The following PRKCB variants were observed in gnomAD, a reference collection of about 807,000 sequenced individuals.
The protein encoded by PRKCB is protein kinase C beta.
Under a neutral mutation model 81.5 loss-of-function variants are expected in PRKCB, and 13 were observed. The ratio of observed to expected loss-of-function variants is 0.16; its 90% CI spans 0.10 to 0.25. The LOEUF is 0.25. PRKCB is among the 10% of genes least tolerant of loss of function. The probability of loss-of-function intolerance (pLI) is 1.00; values close to 1 mark genes in which losing one functional copy is unlikely to be tolerated. For missense variants in PRKCB, 509 were observed against 875.7 expected, an observed-to-expected ratio of 0.58 and a Z score of 5.29; for synonymous variants, 335 against 321.4, an observed-to-expected ratio of 1.04 and a Z score of -0.45.
At chr16:24,003,836 A>G (rs1266299162) in intron 3 of PRKCB, among the ~76,000 whole-genome samples, 1 of 152,196 alleles carries the variant, frequency 6.6e-6, no homozygotes, top group South Asian at 2.1e-4. Context: ...AGTGAAGGAG[A>G]AACTTTGATG....
At chr16:24,112,939 A>G (rs1413769101) in intron 7 of PRKCB, 34 bp from the exon 8 acceptor site, 5 of 1,438,156 alleles carry the variant, frequency 3.5e-6, no homozygotes, top group Non-Finnish European at 3.9e-6. Flanking sequence ...GAGTCGAGTC[A>G]TGAAATGTGT....
intron 2 of PRKCB, among the ~76,000 whole-genome samples, chr16:23,959,286 T>G (rs1447633940): frequency 2.0e-5 from 3 of 152,208 alleles, no homozygotes; most frequent in Admixed American, 2.0e-4. Context: ...CTGACCACTT[T>G]CCATTTTTCT....
chr16:23,841,185 T>C (rs1962257562), intron 2 of PRKCB, among the ~76,000 whole-genome samples: 1 of 152,120 alleles, frequency 6.6e-6, no homozygotes, highest in Non-Finnish European at 1.5e-5. Flanking sequence ...GCTCAAGCGA[T>C]TCTTCTGCCT....
chr16:24,033,810 C>T (rs528809809), intron 4 of PRKCB, among the ~76,000 whole-genome samples: 11 of 152,018 alleles, frequency 7.2e-5, no homozygotes, highest in African/African-American at 2.2e-4. Flanking sequence ...CAGAGAGAGA[C>T]GCCATTACAC....
intron 12 of PRKCB, among the ~76,000 whole-genome samples, chr16:24,177,513 AG>A (rs1448228737): frequency 2.6e-5 from 4 of 152,230 alleles, no homozygotes; most frequent in Non-Finnish European, 4.4e-5. Context: ...CTCATTTCAC[AG>A]CCCACCTGTA....
chr16:24,040,991 G>C (rs1037867149), intron 5 of PRKCB, among the ~76,000 whole-genome samples: 2 of 152,132 alleles, frequency 1.3e-5, no homozygotes, highest in African/African-American at 4.8e-5. Flanking sequence ...ACAATGTCCA[G>C]ATCAGAGTTG....
chr16:24,146,474 A>C (rs1966991755), intron 9 of PRKCB, among the ~76,000 whole-genome samples: 1 of 152,182 alleles, frequency 6.6e-6, no homozygotes, highest in Non-Finnish European at 1.5e-5. Flanking sequence ...GAGGTTCAGA[A>C]AACAGTGAAT....
At chr16:24,061,927 A>AAC (rs1555494243) in intron 5 of PRKCB, among the ~76,000 whole-genome samples, 114 of 150,142 alleles carry the variant, frequency 7.6e-4, no homozygotes, top group African/African-American at 2.6e-3. Flanking sequence ...AAAAAAAAAA[A>AAC]AAAAAACTTG....
At chr16:23,867,184 G>C (rs1962822260) in intron 2 of PRKCB, among the ~76,000 whole-genome samples, 1 of 151,756 alleles carries the variant, frequency 6.6e-6, no homozygotes, top group Non-Finnish European at 1.5e-5. Flanking sequence ...GGAATGCCGT[G>C]GCATGATCTC....
intron 2 of PRKCB, among the ~76,000 whole-genome samples, chr16:23,888,285 C>T (rs917556680): frequency 5.9e-5 from 9 of 152,184 alleles, no homozygotes; most frequent in Admixed American, 2.0e-4. Context: ...TTGGACCAAA[C>T]AGCGGAAGGC....
rs545146422 is a variant in PRKCB at position 24,120,876 on chromosome 16, G to A, written c.919-2959G>A. Among the ~76,000 whole-genome samples, 4 of 152,204 alleles carry A rather than the reference G, an allele frequency of 2.6e-5. No individual in the cohort carries two copies. The South Asian group carries it at 8.3e-4, about 32-fold the overall frequency. On this transcript the variant is annotated intron_variant, in intron 8 of 16. Transcript: ENST00000643927. ...AGCCTCCCGCGTAGCTGGGACTACA[G>A]GCACACACCACCATGCCTGGCTCAT... is the stretch of plus-strand genomic sequence containing the variant.
At position 23,961,919 on chromosome 16, in the gene PRKCB, T is replaced by C. The variant is rs868819922; in HGVS notation, c.206-26589T>C. ...TGGGTCACATAATCACCCTTGGAGC[T>C]AAGGTTAGAGTTGAGCCCTACTCCA... On this transcript the variant is annotated intron_variant, in intron 2 of 16. Transcript: ENST00000643927. 5.3e-5 allele frequency among the ~76,000 whole-genome samples: 8 copies of C among 152,080 alleles called. No individual in the cohort carries two copies. In the South Asian group the frequency reaches 1.7e-3, roughly 32 times the overall value.
intron 2 of PRKCB, among the ~76,000 whole-genome samples, chr16:23,972,499 T>G (rs891616621): frequency 3.9e-5 from 6 of 152,220 alleles, no homozygotes; most frequent in African/African-American, 1.4e-4. Flanking sequence ...ACATTTTATC[T>G]ATTTCCTTTC....
rs374302396 is a variant in PRKCB at position 24,126,794 on chromosome 16, C to G, written c.1065+2813C>G. 5.9e-5 allele frequency among the ~76,000 whole-genome samples: 9 copies of G among 152,030 alleles called. No homozygotes were observed. In the East Asian group the frequency reaches 1.7e-3, roughly 29 times the overall value. ...CATGTGATCCGTTCGCCTCGGCCTC[C>G]TAAAGTGCTGGGATTACAGACATGA... On this transcript the variant is annotated intron_variant, in intron 9 of 16. Transcript: ENST00000643927.
chr16:24,042,033 G>C (rs1567354226), intron 5 of PRKCB, among the ~76,000 whole-genome samples: 1 of 148,170 alleles, frequency 6.7e-6, no homozygotes, highest in East Asian at 2.0e-4. Flanking sequence ...ATGTAAACAA[G>C]AAAAAAAAAT....
At chr16:23,897,517 G>A (rs2141121142) in intron 2 of PRKCB, among the ~76,000 whole-genome samples, 1 of 152,296 alleles carries the variant, frequency 6.6e-6, no homozygotes, top group Non-Finnish European at 1.5e-5. Flanking sequence ...TATAGTGGCT[G>A]GAACCCTAAC....
intron 3 of PRKCB, among the ~76,000 whole-genome samples, chr16:24,021,176 T>G (rs1965383024): frequency 8.1e-6 from 1 of 123,784 alleles, no homozygotes; most frequent in Non-Finnish European, 1.7e-5. Context: ...TCTCCCTCCC[T>G]TCCCTTCCTT....
intron 2 of PRKCB, among the ~76,000 whole-genome samples, chr16:23,908,588 G>C (rs908864502): frequency 6.6e-6 from 1 of 152,104 alleles, no homozygotes; most frequent in African/African-American, 2.4e-5. Context: ...CTGGAGTGCA[G>C]TGGCGCCATC....
intron 2 of PRKCB, among the ~76,000 whole-genome samples, chr16:23,916,579 C>T (rs1331014247): frequency 6.6e-6 from 1 of 152,136 alleles, no homozygotes; most frequent in Non-Finnish European, 1.5e-5. Context: ...ACCCAATATT[C>T]AACTAATAAT....
Sources: gnomAD v4.1 joint callset for allele counts (sites outside exome capture counted in the v4.1 genomes callset) on GRCh38, gnomAD v4.1.1 for gene constraint, MANE v1.5 for transcripts, NCBI Gene and HGNC (gene_info 2026-07-23, HGNC 2026-07-21) for gene names.